RBFOX1: variants seen among roughly 807,000 people sequenced by gnomAD.
RBFOX1 encodes RNA binding protein fox-1 homolog 1.
A neutral mutation model predicts 57.7 loss-of-function variants in RBFOX1; 8 were observed. The observed-to-expected ratio is 0.14, with a 90% CI of 0.08 to 0.25. The LOEUF (loss-of-function observed/expected upper bound fraction) is 0.25, where lower values mean the gene tolerates loss of function less well. Among genes scored for constraint, RBFOX1 ranks in the 10% least tolerant of loss-of-function variants. The pLI is 1.00. For missense variants in RBFOX1, 611 were observed against 548.5 expected, an observed-to-expected ratio of 1.11 and a Z score of -1.14; for synonymous variants, 326 against 222.4, an observed-to-expected ratio of 1.47 and a Z score of -4.15.
chr16:5,608,851 C>T (rs116288902), intron 3 of RBFOX1, among the ~76,000 whole-genome samples: 193 of 152,190 alleles, frequency 1.3e-3, no homozygotes, highest in African/African-American at 4.4e-3. Context: ...GGGTGCAGTC[C>T]GAGTGGTCCC....
At chr16:6,733,673 G>A (rs1225042710) in intron 3 of RBFOX1, among the ~76,000 whole-genome samples, 4 of 152,116 alleles carry the variant, frequency 2.6e-5, no homozygotes, top group East Asian at 1.9e-4. Context: ...TGGGCAGGTC[G>A]CATGAGCCCA....
intron 3 of RBFOX1, among the ~76,000 whole-genome samples, chr16:5,649,519 T>A (rs2049163617): frequency 6.6e-6 from 1 of 152,142 alleles, no homozygotes. Context: ...TTGGCAGTTG[T>A]TATTGGTCTC....
At chr16:6,410,269 T>C (rs1202646896) in intron 2 of RBFOX1, among the ~76,000 whole-genome samples, 4 of 150,768 alleles carry the variant, frequency 2.7e-5, no homozygotes, top group Non-Finnish European at 4.4e-5. Context: ...AGCCTTCTCC[T>C]TGGGGTGTCC....
chr16:5,871,728 GA>G (rs1054342487), intron 4 of RBFOX1, among the ~76,000 whole-genome samples: 27 of 149,794 alleles, frequency 1.8e-4, no homozygotes, highest in East Asian at 1.2e-3. Flanking sequence ...GATGTTTGAG[GA>G]AAAAAAAAAT....
At chr16:7,031,084 G>T (rs994830806) in intron 3 of RBFOX1, among the ~76,000 whole-genome samples, 1 of 152,138 alleles carries the variant, frequency 6.6e-6, no homozygotes, top group African/African-American at 2.4e-5. Context: ...GGGTAGCCAG[G>T]GTTGTAAGTA....
intron 4 of RBFOX1, among the ~76,000 whole-genome samples, chr16:5,984,974 A>ATTTTTTTT (rs1473069198): frequency 1.8e-5 from 1 of 56,262 alleles, no homozygotes; most frequent in African/African-American, 8.5e-5. Flanking sequence ...ATATATATAT[A>ATTTTTTTT]TATTTTTTTT....
chr16:7,426,466 T>G (rs910910785), intron 4 of RBFOX1, among the ~76,000 whole-genome samples: 1 of 152,180 alleles, frequency 6.6e-6, no homozygotes, highest in Non-Finnish European at 1.5e-5. Flanking sequence ...AATGATAGTT[T>G]TCAAGCAACA....
At chr16:5,794,037 G>C (rs995233407) in intron 3 of RBFOX1, among the ~76,000 whole-genome samples, 1 of 152,100 alleles carries the variant, frequency 6.6e-6, no homozygotes, top group Non-Finnish European at 1.5e-5. Context: ...TTGCATTTCT[G>C]TGGTCATTTG....
intron 2 of RBFOX1, among the ~76,000 whole-genome samples, chr16:6,387,728 G>C (rs960458682): frequency 6.6e-6 from 1 of 152,092 alleles, no homozygotes. Flanking sequence ...GTGGGCACCT[G>C]TCAATTCTGC....
intron 3 of RBFOX1, among the ~76,000 whole-genome samples, chr16:5,776,827 G>A (rs889455650): frequency 6.6e-6 from 1 of 152,194 alleles, no homozygotes; most frequent in Non-Finnish European, 1.5e-5. Flanking sequence ...CTGTCCAGGA[G>A]ATTTTGTGTG....
intron 4 of RBFOX1, among the ~76,000 whole-genome samples, chr16:7,245,469 T>TG (rs1392443816): frequency 6.6e-6 from 1 of 152,206 alleles, no homozygotes; most frequent in African/African-American, 2.4e-5. Flanking sequence ...AAACCATACC[T>TG]GGGGGTGTTA....
chr16:7,583,442 A>G (rs2093927184), intron 6 of RBFOX1, among the ~76,000 whole-genome samples: 1 of 152,244 alleles, frequency 6.6e-6, no homozygotes, highest in Non-Finnish European at 1.5e-5. Context: ...TGGATTTCTA[A>G]CAAATTAATT....
At chr16:7,052,458 T>A (rs781312180) in intron 4 of RBFOX1, among the ~76,000 whole-genome samples, 1 of 152,206 alleles carries the variant, frequency 6.6e-6, no homozygotes. Flanking sequence ...CCAGGCTGTT[T>A]GCTGAGTGGC....
At chr16:5,523,876 G>A (rs1371074466) in intron 2 of RBFOX1, among the ~76,000 whole-genome samples, 1 of 152,148 alleles carries the variant, frequency 6.6e-6, no homozygotes. Context: ...CAGCATGGAG[G>A]GGCTGTTGTA....
chr16:6,533,834 A>G (rs746099551), intron 2 of RBFOX1, among the ~76,000 whole-genome samples: 1 of 152,228 alleles, frequency 6.6e-6, no homozygotes, highest in African/African-American at 2.4e-5. Flanking sequence ...ATTTTCCCAG[A>G]TAAAACACAG....
intron 4 of RBFOX1, among the ~76,000 whole-genome samples, chr16:7,463,167 A>G (rs535886555): frequency 2.6e-4 from 39 of 152,224 alleles, no homozygotes; most frequent in African/African-American, 8.9e-4. Flanking sequence ...ATGCCCTCAG[A>G]TGGTAGAAGG....
intron 9 of RBFOX1, among the ~76,000 whole-genome samples, chr16:7,604,614 G>A (rs551267685): frequency 2.6e-5 from 4 of 152,270 alleles, no homozygotes; most frequent in East Asian, 3.9e-4. Flanking sequence ...TTATAGATAC[G>A]TTTATAGATA....
At chr16:7,399,269 G>C (rs998209599) in intron 4 of RBFOX1, among the ~76,000 whole-genome samples, 2 of 150,654 alleles carry the variant, frequency 1.3e-5, no homozygotes, top group East Asian at 3.9e-4. Flanking sequence ...CCAACACGGA[G>C]AAACCCCATC....
intron 4 of RBFOX1, among the ~76,000 whole-genome samples, chr16:7,199,710 C>T (rs7205821): frequency 0.097 from 14,707 of 152,158 alleles, 778 homozygotes; most frequent in Non-Finnish European, 0.11. Flanking sequence ...CCTTTGCCAA[C>T]GTGGTGAAAC....
Sources: allele counts gnomAD v4.1 joint callset (sites outside exome capture counted in the v4.1 genomes callset), GRCh38; gene constraint gnomAD v4.1.1; transcripts MANE v1.5; gene names NCBI Gene and HGNC (gene_info 2026-07-23, HGNC 2026-07-21).